DET1: variants seen among roughly 807,000 people sequenced by gnomAD.
The protein encoded by DET1 is DET1 homolog.
In DET1, 22 loss-of-function variants were observed where a neutral mutation model predicts 43.7. That is an observed-to-expected ratio of 0.50 (90% CI 0.36 to 0.72). DET1 has a LOEUF of 0.72. Among genes scored for constraint, DET1 ranks in the 30% least tolerant of loss-of-function variants. The pLI, the probability that DET1 is intolerant of heterozygous loss-of-function variation, is 0.00. For synonymous variants in DET1, 315 were observed against 266.2 expected, an observed-to-expected ratio of 1.18 and a Z score of -1.79; for missense variants, 713 against 713.3, an observed-to-expected ratio of 1.00 and a Z score of 0.00.
chr15:88,532,132 T>C (rs2056831836), intron 1 of DET1, among the ~76,000 whole-genome samples: 1 of 152,078 alleles, frequency 6.6e-6, no homozygotes, highest in South Asian at 2.1e-4. Flanking sequence ...CAAAACCCTG[T>C]CTCTACAAAA....
At chr15:88,545,123 A>G (rs2057214731) in intron 1 of DET1, among the ~76,000 whole-genome samples, 1 of 152,180 alleles carries the variant, frequency 6.6e-6, no homozygotes, top group African/African-American at 2.4e-5. Context: ...TGGGGGATCA[A>G]CCAGATCTTC....
chr15:88,515,538 T>TAAAAAAAAAAAAAAAAAAAA lies in DET1; in HGVS notation c.1463+1243_1463+1244insTTTTTTTTTTTTTTTTTTTT, dbSNP rs1491544233. On this transcript the variant is annotated intron_variant, in intron 4 of 4. Transcript: ENST00000268148. ...TGGGCAACAGACAGAGACTCCGTCT[T>TAAAAAAAAAAAAAAAAAAAA]ATAAAAAAAAAAAAAAAAAAAAAAA... is the stretch of plus-strand genomic sequence containing the variant. Among the ~76,000 whole-genome samples, 4 of 47,466 alleles carry TAAAAAAAAAAAAAAAAAAAA rather than the reference T, an allele frequency of 8.4e-5. 2 individuals carry two copies. The highest frequency in any genetic ancestry group is 1.4e-4 in the Non-Finnish European group (4 of 29,194). The allele number at this position is 47,466 out of a possible 152,430, so 31.1% of individuals were successfully genotyped here. A position where few individuals can be genotyped will look rare whatever the true frequency, so the allele number is the denominator to read the frequency against.
At chr15:88,503,670 T>C (rs2056110378) in intron 8 of DET1, 2 of 152,246 alleles carry the variant, frequency 1.3e-5, no homozygotes, top group African/African-American at 4.8e-5. Context: ...TATATATTGC[T>C]ACACAACAAA....
intron 1 of DET1, among the ~76,000 whole-genome samples, chr15:88,538,032 C>T (rs375435989): frequency 3.9e-5 from 6 of 152,222 alleles, no homozygotes; most frequent in South Asian, 2.1e-4. Context: ...AGGTCTACCT[C>T]GGTCATGCGG....
intron 1 of DET1, among the ~76,000 whole-genome samples, chr15:88,541,878 G>A (rs905992393): frequency 3.9e-5 from 6 of 152,104 alleles, no homozygotes; most frequent in South Asian, 4.2e-4. Flanking sequence ...ATGTCTCTTC[G>A]AGGAGACGTC....
chr15:88,512,222 G>T, downstream of DET1: 1 of 385,902 alleles, frequency 2.6e-6, no homozygotes, highest in Non-Finnish European at 3.5e-6. Context: ...AGATGGTACA[G>T]ATGGGAGCAT....
chr15:88,520,214 A>G (rs2056452371), intron 3 of DET1, among the ~76,000 whole-genome samples: 1 of 152,170 alleles, frequency 6.6e-6, no homozygotes, highest in African/African-American at 2.4e-5. Flanking sequence ...TCTAAAAAAT[A>G]ACAAAAACAA....
intron 1 of DET1, among the ~76,000 whole-genome samples, chr15:88,532,543 G>A (rs915136334): frequency 6.6e-6 from 1 of 152,148 alleles, no homozygotes; most frequent in African/African-American, 2.4e-5. Flanking sequence ...CAAGCCTCTT[G>A]ATTTCAAAAT....
rs2056220303 is a variant in DET1, at chr15:88,512,522, G to A, written c.*429C>T. The A allele has an allele frequency of 1.0e-6, 1 of 988,490 alleles. No individual in the cohort carries two copies. 61.2% of individuals were successfully genotyped at this position (988,490 alleles called of 1,614,324 possible). On this transcript the variant is annotated 3_prime_UTR_variant, in exon 5 of 5. Coordinates refer to ENST00000268148, the MANE Select transcript of DET1 (RefSeq NM_001144074.3). ...CATGGCTTTATTTTTCTCTTAAAAA[G>A]ATAGCCGTGCTTATGAGCTAAATGG...
intron 3 of DET1, among the ~76,000 whole-genome samples, chr15:88,523,855 C>G (rs1022410875): frequency 2.0e-5 from 3 of 152,094 alleles, no homozygotes; most frequent in Non-Finnish European, 4.4e-5. Flanking sequence ...TCTGCCCGGC[C>G]GCCACCCCGT....
intron 1 of DET1, among the ~76,000 whole-genome samples, chr15:88,536,076 G>A (rs1463785839): frequency 1.3e-5 from 2 of 152,194 alleles, no homozygotes; most frequent in Admixed American, 6.5e-5. Context: ...ACCTATAGAG[G>A]TGCAACAATT....
chr15:88,530,808 G>A lies in DET1; in HGVS notation c.898C>T (p.Leu300=), dbSNP rs1408934597. The change falls in exon 2 of 5, where the codon CTG becomes TTG. Residue 300 remains leucine (L), a synonymous_variant. Coordinates refer to ENST00000268148, the MANE Select transcript of DET1 (RefSeq NM_001144074.3). ...PFINSLKHRL[L]VYLWRRAEQD... is the part of the protein sequence containing the mutation. ...TCTGCCCGGCGCCACAAATATACCA[G>A]CAACCGGTGTTTGAGGGAATTGATG... 1.2e-6 allele frequency: 2 copies of A among 1,613,990 alleles called. No individual in the cohort carries two copies. The highest frequency in any genetic ancestry group is 2.2e-5 in the South Asian group (2 of 91,080).
chr15:88,525,266 A>G (rs1324260877), intron 3 of DET1, among the ~76,000 whole-genome samples: 1 of 152,204 alleles, frequency 6.6e-6, no homozygotes, highest in African/African-American at 2.4e-5. Flanking sequence ...CAACTGCTTA[A>G]ATTTAGTAGT....
chr15:88,541,738 C>T (rs1598351819), intron 1 of DET1, among the ~76,000 whole-genome samples: 1 of 152,348 alleles, frequency 6.6e-6, no homozygotes, highest in East Asian at 1.9e-4. Context: ...AGAAATCCTC[C>T]TCCATGGCTC....
intron 3 of DET1, among the ~76,000 whole-genome samples, chr15:88,520,521 A>C (rs1261169662): frequency 1.3e-5 from 2 of 152,196 alleles, no homozygotes; most frequent in Non-Finnish European, 2.9e-5. Context: ...ATCTCTACTT[A>C]CAGAACTTTT....
chr15:88,544,354 G>C (rs141044766), intron 1 of DET1, among the ~76,000 whole-genome samples: 2 of 152,176 alleles, frequency 1.3e-5, no homozygotes, highest in African/African-American at 2.4e-5. Flanking sequence ...CCTTTATCAG[G>C]CTAGGTTCTC....
At chr15:88,521,664 A>G (rs531205415) in intron 3 of DET1, among the ~76,000 whole-genome samples, 2 of 152,286 alleles carry the variant, frequency 1.3e-5, no homozygotes, top group East Asian at 1.9e-4. Context: ...TTATTTGGAT[A>G]TAGAATTCTA....
intron 3 of DET1, among the ~76,000 whole-genome samples, chr15:88,525,827 A>AAT (rs763282383): frequency 1.1e-5 from 1 of 90,698 alleles, no homozygotes; most frequent in Non-Finnish European, 2.1e-5. Context: ...ACACTCGGCT[A>AAT]TTTTTTTTTT....
intron 3 of DET1, among the ~76,000 whole-genome samples, chr15:88,525,657 T>G (rs2056641638): frequency 6.6e-6 from 1 of 151,898 alleles, no homozygotes; most frequent in South Asian, 2.1e-4. Flanking sequence ...ACCCATCTTT[T>G]GTTCTTTTTG....
Sources: allele counts gnomAD v4.1 joint callset (sites outside exome capture counted in the v4.1 genomes callset), GRCh38; gene constraint gnomAD v4.1.1; transcripts MANE v1.5; gene names NCBI Gene and HGNC (gene_info 2026-07-23, HGNC 2026-07-21).